Variants in ADGRE1 observed in about 807,000 individuals in gnomAD.
ADGRE1 encodes the protein EGF-like module receptor 1.
A neutral mutation model predicts 102.7 loss-of-function variants in ADGRE1; 82 were observed. The ratio of observed to expected loss-of-function variants is 0.80; its 90% CI spans 0.67 to 0.96. The LOEUF (loss-of-function observed/expected upper bound fraction) is 0.96, where lower values mean the gene tolerates loss of function less well. Among genes scored for constraint, ADGRE1 ranks in the 40% least tolerant of loss-of-function variants. The pLI is 0.00. For missense variants in ADGRE1, 1,032 were observed against 1,085.3 expected, an observed-to-expected ratio of 0.95 and a Z score of 0.69; for synonymous variants, 398 against 399.6, an observed-to-expected ratio of 1.00 and a Z score of 0.05.
chr19:6,921,901 G>A lies in ADGRE1; in HGVS notation c.1791+18G>A, dbSNP rs375014474. On this transcript the variant is annotated intron_variant, in intron 14 of 20. Coordinates refer to ENST00000312053, the MANE Select transcript of ADGRE1 (RefSeq NM_001974.5). ...AGCTCACGGTCAGTACTGATGATTT[G>A]TTCCCTGAGGCAGAGTATCTGCCTC... 3 of 1,587,430 alleles carry A rather than the reference G, an allele frequency of 1.9e-6. No individual in the cohort carries two copies. Among genetic ancestry groups the A allele is most frequent in the Non-Finnish European group, 2.6e-6 (3 of 1,164,720 alleles).
At chr19:6,894,168 G>A (rs1985346874) in intron 2 of ADGRE1, among the ~76,000 whole-genome samples, 1 of 152,070 alleles carries the variant, frequency 6.6e-6, no homozygotes. Flanking sequence ...CTTCGCCATG[G>A]ACCATAACAT....
intron 9 of ADGRE1, among the ~76,000 whole-genome samples, chr19:6,908,481 T>G (rs1974049890): frequency 6.6e-6 from 1 of 152,198 alleles, no homozygotes; most frequent in African/African-American, 2.4e-5. Flanking sequence ...TGTTTATGTT[T>G]GCTTTTTTTA....
intron 9 of ADGRE1, among the ~76,000 whole-genome samples, chr19:6,907,583 A>G (rs1414941327): frequency 1.3e-5 from 2 of 151,932 alleles, no homozygotes; most frequent in Non-Finnish European, 2.9e-5. Flanking sequence ...TGAGTGATCC[A>G]CCTGCCTCAG....
At chr19:6,912,108 A>G (rs1036614646) in intron 10 of ADGRE1, among the ~76,000 whole-genome samples, 1 of 149,902 alleles carries the variant, frequency 6.7e-6, no homozygotes, top group Non-Finnish European at 1.5e-5. Flanking sequence ...ACACACGTAT[A>G]CATACATATA....
chr19:6,896,550 A>G lies in ADGRE1; in HGVS notation c.238+9A>G. 6 of 1,613,286 alleles carry G rather than the reference A, an allele frequency of 3.7e-6. No homozygotes were observed. The highest frequency in any genetic ancestry group is 2.2e-5 in the South Asian group (2 of 91,020). On this transcript the variant is annotated intron_variant, in intron 3 of 20. Transcript: ENST00000312053. ...AGGAGTGCGATGCAAAGGTGAGTTC[A>G]TGTCCCCTCAAACCATCCAGCATTT...
intron 16 of ADGRE1, among the ~76,000 whole-genome samples, chr19:6,927,193 C>T (rs916026474): frequency 2.3e-4 from 35 of 149,236 alleles, no homozygotes; most frequent in African/African-American, 8.4e-4. Context: ...CCCACTCTCC[C>T]TCCCTCCCTC....
chr19:6,907,172 A>G (rs775260742), intron 9 of ADGRE1, among the ~76,000 whole-genome samples: 1 of 152,072 alleles, frequency 6.6e-6, no homozygotes, highest in Non-Finnish European at 1.5e-5. Flanking sequence ...GAGCTTGTAA[A>G]TTGGCTATGG....
intron 16 of ADGRE1, among the ~76,000 whole-genome samples, chr19:6,927,337 C>T (rs898540269): frequency 1.1e-4 from 16 of 150,026 alleles, no homozygotes; most frequent in Non-Finnish European, 1.2e-4. Context: ...TCCTTCTTTC[C>T]TTCCTTTCTT....
chr19:6,923,009 A>G (rs575422622), intron 14 of ADGRE1, among the ~76,000 whole-genome samples: 1,967 of 152,286 alleles, frequency 0.013, 16 homozygotes, highest in Non-Finnish European at 0.018. Context: ...CCCGGGAGGC[A>G]GGGCTTGCAG....
At chr19:6,904,864 C>T (rs10402834) in intron 8 of ADGRE1, among the ~76,000 whole-genome samples, 56,181 of 151,846 alleles carry the variant, frequency 0.37, 12,210 homozygotes, top group African/African-American at 0.6. Flanking sequence ...AAGCAAACAA[C>T]ATTTAAGCAG....
rs1975618924 is a variant in ADGRE1 at position 6,940,299 on chromosome 19, A to G, written c.*270A>G. ...GTTTCTGAGAACAGACCCAAATTCA[A>G]TGGCATGACCAAGAACACCTGGCTA... is the stretch of plus-strand genomic sequence containing the variant. On this transcript the variant is annotated 3_prime_UTR_variant, in exon 21 of 21. Transcript: ENST00000312053. 1.8e-6 allele frequency: 1 copy of G among 551,486 alleles called. No individual in the cohort carries two copies. The highest frequency in any genetic ancestry group is 3.2e-6 in the Non-Finnish European group (1 of 309,042). 34.2% of individuals were successfully genotyped at this position (551,486 alleles called of 1,614,324 possible). A position where few individuals can be genotyped will look rare whatever the true frequency, so the allele number is the denominator to read the frequency against.
At chr19:6,910,296 T>C (rs779709722) in intron 10 of ADGRE1, among the ~76,000 whole-genome samples, 1 of 152,082 alleles carries the variant, frequency 6.6e-6, no homozygotes, top group Non-Finnish European at 1.5e-5. Context: ...AATATTCCAA[T>C]TCCCCCCTCC....
chr19:6,889,718 A>G (rs890821861), intron 1 of ADGRE1, among the ~76,000 whole-genome samples: 23 of 151,242 alleles, frequency 1.5e-4, no homozygotes, highest in Non-Finnish European at 3.1e-4. Flanking sequence ...AAAGGAAAGA[A>G]AAACGAATTG....
chr19:6,911,943 A>G (rs1280312338), intron 10 of ADGRE1, among the ~76,000 whole-genome samples: 1 of 151,818 alleles, frequency 6.6e-6, no homozygotes, highest in Non-Finnish European at 1.5e-5. Context: ...ACATCTATGC[A>G]TGTACCCATA....
In ADGRE1 at chr19:6,919,596, T is replaced by C; in HGVS notation, c.1469T>C (p.Leu490Ser). ...FVSFVGMESV[L>S]NERFFKDHQA... ...TCCTTTGTGGGCATGGAATCGGTTT[T>C]AAATGAGCGCTTCTTCAAAGACCAC... Residue 490 changes from leucine to serine, a missense_variant, in exon 13 of 21, where the codon TTA becomes TCA. Physicochemically the swap from Leu to Ser is moderately radical, Grantham distance 145. Coordinates refer to ENST00000312053, the MANE Select transcript of ADGRE1 (RefSeq NM_001974.5). 1 of 1,613,618 alleles carries C rather than the reference T, an allele frequency of 6.2e-7. No homozygotes were observed.
rs370801852 is a variant in ADGRE1 at position 6,926,388 on chromosome 19, G to A, written c.2009G>A (p.Gly670Asp). 1 of 1,614,148 alleles carries A rather than the reference G, an allele frequency of 6.2e-7. No homozygotes were observed. The highest frequency in any genetic ancestry group is 8.5e-7 in the Non-Finnish European group (1 of 1,180,038). The change falls in exon 16 of 21, where the codon GGC becomes GAC. Residue 670 changes from glycine to aspartate, a missense_variant. Gly to Asp is a moderately conservative substitution (Grantham distance 94). Transcript: ENST00000312053. The part of the protein sequence containing the change: ...DNKMGCAIIA[G>D]FLHYLFLACF... ...CAGATGGGCTGCGCCATCATCGCGG[G>A]CTTCCTGCACTACCTTTTCCTTGCC...
In ADGRE1 at chr19:6,897,286, G is replaced by A; in HGVS notation, c.376G>A (p.Gly126Ser). The A allele has an allele frequency of 6.2e-7, 1 of 1,613,708 alleles. No individual in the cohort carries two copies. Among genetic ancestry groups the A allele is most frequent in the Non-Finnish European group, 8.5e-7 (1 of 1,179,970 alleles). The change falls in exon 4 of 21, where the codon GGC becomes AGC. Residue 126 changes from glycine to serine, a missense_variant. Transcript: ENST00000312053. ...AAATGACTGGGTCCCAGGAAAGCCG[G>A]GCAATTTCTCCTGTACTGGTAATGC... ...TGNDWVPGKP[G>S]NFSCTDINEC...
At chr19:6,902,720 C>T (rs111363113) in intron 6 of ADGRE1, among the ~76,000 whole-genome samples, 4 of 150,582 alleles carry the variant, frequency 2.7e-5, no homozygotes, top group African/African-American at 7.3e-5. Flanking sequence ...GGATTACAGG[C>T]ATGAGCCACT....
chr19:6,922,873 C>G (rs1023134819), intron 14 of ADGRE1, among the ~76,000 whole-genome samples: 5 of 151,940 alleles, frequency 3.3e-5, no homozygotes, highest in African/African-American at 9.7e-5. Context: ...GTCAGGAGAT[C>G]GAGACCATCC....
Sources: gnomAD v4.1 joint callset for allele counts (sites outside exome capture counted in the v4.1 genomes callset) on GRCh38, gnomAD v4.1.1 for gene constraint, MANE v1.5 for transcripts, NCBI Gene and HGNC (gene_info 2026-07-23, HGNC 2026-07-21) for gene names.